The following MKNK1 variants were observed in gnomAD, a reference collection of about 807,000 sequenced individuals.
The protein encoded by MKNK1 is MAPK interacting serine/threonine kinase 1.
Under a neutral mutation model 49.3 loss-of-function variants are expected in MKNK1, and 30 were observed. The ratio of observed to expected loss-of-function variants is 0.61; its 90% CI spans 0.46 to 0.83. The LOEUF is 0.83. Among genes scored for constraint, MKNK1 ranks in the 40% least tolerant of loss-of-function variants. The pLI, the probability that MKNK1 is intolerant of heterozygous loss-of-function variation, is 0.00. For missense variants in MKNK1, 423 were observed against 524.7 expected (o/e 0.81, Z 1.89); for synonymous variants, 176 against 201.7 (o/e 0.87, Z 1.08).
At chr1:46,595,839 C>T (rs901932876) in intron 1 of MKNK1, among the ~76,000 whole-genome samples, 15 of 152,210 alleles carry the variant, frequency 9.9e-5, no homozygotes, top group Admixed American at 3.3e-4. Flanking sequence ...GCAGCCTCCA[C>T]CTGCCAGGCT....
chr1:46,594,524 G>A (rs938893667), intron 1 of MKNK1, among the ~76,000 whole-genome samples: 1 of 152,168 alleles, frequency 6.6e-6, no homozygotes, highest in Non-Finnish European at 1.5e-5. Flanking sequence ...TTGGGAAGGG[G>A]TGGCTTCTAA....
At position 46,572,071 on chromosome 1, in the gene MKNK1, T is replaced by C. The variant is rs751495194; in HGVS notation, c.449A>G (p.His150Arg). Residue 150 changes from histidine (H) to arginine (R), a missense_variant, in exon 7 of 13, where the codon CAT becomes CGT. By Grantham distance (29) the His-to-Arg change is conservative (BLOSUM62 0). Transcript: ENST00000371945. Reference sequence around the variant, plus strand: ...GCAAAGGCTGGGTTCACCTTTGGTATGCAGGAAGTCAAGGGCAGCAGCAAC... The same window carrying C: ...GCAAAGGCTGGGTTCACCTTTGGTACGCAGGAAGTCAAGGGCAGCAGCAAC... ...RDVAAALDFL[H>R]TKGIAHRDLK... 1.2e-6 allele frequency: 2 copies of C among 1,614,086 alleles called. No homozygotes were observed. The highest frequency in any genetic ancestry group is 1.1e-5 in the South Asian group (1 of 91,082).
intron 2 of MKNK1, chr1:46,585,623 G>A: frequency 2.9e-6 from 1 of 344,844 alleles, no homozygotes; most frequent in South Asian, 2.3e-5. Context: ...TTGATGGAGG[G>A]CCCCAGGACA....
intron 1 of MKNK1, chr1:46,594,759 C>CT (rs1205375735): frequency 9.6e-6 from 3 of 312,476 alleles, no homozygotes; most frequent in Non-Finnish European, 1.9e-5. Flanking sequence ...CTTTGGGAGG[C>CT]TGAGGCAGGT....
intron 2 of MKNK1, 95 bp downstream of exon 2, chr1:46,594,018 C>A (rs1673718776): frequency 1.0e-6 from 1 of 967,768 alleles, no homozygotes. Flanking sequence ...GTGCTGAAAA[C>A]CACGGTCTCT....
intron 10 of MKNK1, 73 bp from the exon 11 acceptor site, chr1:46,561,715 A>G: frequency 6.5e-7 from 1 of 1,534,072 alleles, no homozygotes; most frequent in South Asian, 1.2e-5. Flanking sequence ...TGTTTTGATC[A>G]ACCGGCTTCA....
rs568296534 is a variant in MKNK1 at position 46,564,466 on chromosome 1, G to GTT, written c.609+573_609+574dup. ...GGGCTCAGCCTGTGTTTTTTTTATTGTTTTTTTTTTTTTTTTTTTTTTTTT... is the reference window on the plus strand; with the variant it reads ...GGGCTCAGCCTGTGTTTTTTTTATTGTTTTTTTTTTTTTTTTTTTTTTTTTTT... On this transcript the variant is annotated intron_variant, in intron 9 of 12. Coordinates refer to ENST00000371945, the MANE Select transcript of MKNK1 (RefSeq NM_001135553.4). 6.1e-3 allele frequency among the ~76,000 whole-genome samples: 429 copies of GTT among 70,146 alleles called. 97 individuals are homozygous for GTT. The highest frequency in any genetic ancestry group is 0.026 in the African/African-American group (377 of 14,644). The allele number at this position is 70,146 out of a possible 152,430, so 46.0% of individuals were successfully genotyped here.
rs1267721456 is a variant in MKNK1 at position 46,587,660 on chromosome 1, G to A, written c.-2-4331C>T. 2.6e-5 allele frequency among the ~76,000 whole-genome samples: 4 copies of A among 151,950 alleles called. No individual in the cohort carries two copies. The South Asian group carries it at 6.2e-4, about 24-fold the overall frequency. On this transcript the variant is annotated intron_variant, in intron 2 of 12. Coordinates refer to ENST00000371945, the MANE Select transcript of MKNK1 (RefSeq NM_001135553.4). Reference sequence around the variant, plus strand: ...TGGAGAAACCTCGTCTCTACTAAAAGTACAAAATTAGCCAGGCATGGTGGT... The same window carrying A: ...TGGAGAAACCTCGTCTCTACTAAAAATACAAAATTAGCCAGGCATGGTGGT...
intron 3 of MKNK1, among the ~76,000 whole-genome samples, chr1:46,580,945 G>A (rs1671640512): frequency 6.6e-6 from 1 of 152,272 alleles, no homozygotes; most frequent in African/African-American, 2.4e-5. Context: ...ATAAAGGCCA[G>A]GTGCAGGGGC....
intron 12 of MKNK1, chr1:46,559,574 T>C (rs1667568601): frequency 6.5e-6 from 1 of 154,090 alleles, no homozygotes; most frequent in Non-Finnish European, 1.4e-5. Flanking sequence ...AGAACACCTC[T>C]CTTAAATTCA....
intron 6 of MKNK1, among the ~76,000 whole-genome samples, chr1:46,572,498 G>A (rs942129858): frequency 1.3e-5 from 2 of 152,060 alleles, no homozygotes; most frequent in African/African-American, 2.4e-5. Flanking sequence ...GATTACAGGC[G>A]TGAGCCACTG....
At chr1:46,571,968 TCTC>T in intron 7 of MKNK1, 92 bp downstream of exon 7, 1 of 1,124,368 alleles carries the variant, frequency 8.9e-7, no homozygotes. Context: ...AGCCACACCA[TCTC>T]CTGCACCAGC....
In MKNK1 at chr1:46,594,127, A is replaced by G; in HGVS notation, c.-17T>C. 1 of 1,610,776 alleles carries G rather than the reference A, an allele frequency of 6.2e-7. No homozygotes were observed. The highest frequency in any genetic ancestry group is 1.3e-5 in the African/African-American group (1 of 74,874). ...CCCAATCTTACCTATAGGTTTTTCC[A>G]ACTTTTGAGAAGATACCATCTGTAA... is the stretch of plus-strand genomic sequence containing the variant. On this transcript the variant is annotated 5_prime_UTR_variant, in exon 2 of 13. Coordinates refer to ENST00000371945, the MANE Select transcript of MKNK1 (RefSeq NM_001135553.4).
intron 1 of MKNK1, among the ~76,000 whole-genome samples, chr1:46,595,347 TG>T (rs763090048): frequency 6.6e-6 from 1 of 152,238 alleles, no homozygotes; most frequent in Non-Finnish European, 1.5e-5. Context: ...GCTTTCTAAC[TG>T]GAAGTTGGGT....
intron 2 of MKNK1, among the ~76,000 whole-genome samples, chr1:46,587,199 T>G (rs1672694644): frequency 6.6e-6 from 1 of 152,196 alleles, no homozygotes; most frequent in African/African-American, 2.4e-5. Flanking sequence ...GAGCACTTCT[T>G]TTCAGTTTCA....
Position 46,558,890 on chromosome 1 carries a change from C to G in MKNK1, c.1014-90G>C, listed in dbSNP as rs1386618348. 2.8e-6 allele frequency: 3 copies of G among 1,081,666 alleles called. No individual in the cohort carries two copies. In the East Asian group the frequency reaches 7.2e-5, roughly 26 times the overall value. 67.0% of individuals were successfully genotyped at this position (1,081,666 alleles called of 1,614,324 possible). A position where few individuals can be genotyped will look rare whatever the true frequency, so the allele number is the denominator to read the frequency against. Reference sequence around the variant, plus strand: ...GGGACACTCCCACTTGCTGCTGTGGCTCTACGCTCCCACCAGATTTCCCAG... The same window carrying G: ...GGGACACTCCCACTTGCTGCTGTGGGTCTACGCTCCCACCAGATTTCCCAG... On this transcript the variant is annotated intron_variant, in intron 12 of 12. Coordinates refer to ENST00000371945, the MANE Select transcript of MKNK1 (RefSeq NM_001135553.4).
chr1:46,592,551 T>A (rs945870236), intron 2 of MKNK1, among the ~76,000 whole-genome samples: 2 of 152,082 alleles, frequency 1.3e-5, no homozygotes, highest in African/African-American at 4.8e-5. Context: ...AAGAACAAAC[T>A]GGAGGCTAGA....
intron 3 of MKNK1, among the ~76,000 whole-genome samples, chr1:46,581,263 G>A (rs377635642): frequency 1.1e-4 from 17 of 151,034 alleles, no homozygotes; most frequent in African/African-American, 2.9e-4. Context: ...CTGTAGTCCC[G>A]GCACTTTGGG....
At chr1:46,562,529 AG>A (rs1668201460) in intron 10 of MKNK1, 119 bp downstream of exon 10, 1 of 1,113,612 alleles carries the variant, frequency 9.0e-7, no homozygotes, top group South Asian at 1.7e-5. Flanking sequence ...GGAGCGGGAG[AG>A]GGCACTATGA....
Sources: allele counts gnomAD v4.1 joint callset (sites outside exome capture counted in the v4.1 genomes callset), GRCh38; gene constraint gnomAD v4.1.1; transcripts MANE v1.5; gene names NCBI Gene and HGNC (gene_info 2026-07-23, HGNC 2026-07-21).